NFIB: variants seen among roughly 807,000 people sequenced by gnomAD.
NFIB encodes nuclear factor 1 B-type.
NFIB carries 11 observed loss-of-function variants against 61.5 expected under a neutral mutation model. That is an observed-to-expected ratio of 0.18 (90% CI 0.11 to 0.30). The LOEUF (loss-of-function observed/expected upper bound fraction) is 0.30. Ranked by LOEUF, NFIB falls within the 10% of genes least tolerant of loss-of-function variation. The pLI, the probability that NFIB is intolerant of heterozygous loss-of-function variation, is 1.00. For synonymous variants in NFIB, 260 were observed against 216.5 expected (o/e 1.20, Z -1.76); for missense variants, 471 against 608.9 (o/e 0.77, Z 2.38).
intron 2 of NFIB, among the ~76,000 whole-genome samples, chr9:14,291,277 G>A (rs781201075): frequency 1.3e-5 from 2 of 151,980 alleles, no homozygotes; most frequent in Non-Finnish European, 2.9e-5. Flanking sequence ...TCGAGGTCAG[G>A]TGTTCACAAC....
intron 10 of NFIB, among the ~76,000 whole-genome samples, chr9:14,105,248 T>C (rs1445410970): frequency 1.3e-5 from 2 of 152,322 alleles, no homozygotes; most frequent in East Asian, 1.9e-4. Flanking sequence ...CTATTTAAGA[T>C]ATATGCAATA....
intron 1 of NFIB, among the ~76,000 whole-genome samples, chr9:14,393,488 A>C (rs995644716): frequency 6.6e-6 from 1 of 152,198 alleles, no homozygotes. Context: ...TTCTGCAGGC[A>C]TTCTGTGTAA....
exon 1 of NFIB, chr9:14,398,888 C>A: frequency 2.7e-6 from 1 of 371,268 alleles, no homozygotes; most frequent in Non-Finnish European, 4.8e-6. Flanking sequence ...CTTGCTCCGA[C>A]ATGTGAATCT....
At chr9:14,278,167 T>C (rs367551800) in intron 2 of NFIB, among the ~76,000 whole-genome samples, 1 of 152,202 alleles carries the variant, frequency 6.6e-6, no homozygotes, top group Non-Finnish European at 1.5e-5. Context: ...ATCATTATAA[T>C]TGGCAGTCCC....
At chr9:14,178,020 C>G (rs2046363899) in intron 3 of NFIB, among the ~76,000 whole-genome samples, 2 of 152,146 alleles carry the variant, frequency 1.3e-5, no homozygotes, top group South Asian at 4.1e-4. Flanking sequence ...ACAATAACTG[C>G]TTTATTAGTT....
intron 2 of NFIB, among the ~76,000 whole-genome samples, chr9:14,236,111 C>T (rs2053715217): frequency 6.6e-6 from 1 of 152,288 alleles, no homozygotes; most frequent in African/African-American, 2.4e-5. Context: ...TCCATTCCTA[C>T]AACAAAGCCC....
At position 14,155,882 on chromosome 9, in the gene NFIB, C is replaced by T; in HGVS notation, c.628G>A (p.Asp210Asn). The T allele has an allele frequency of 6.4e-7, 1 of 1,573,452 alleles. No individual in the cohort carries two copies. The highest frequency in any genetic ancestry group is 8.7e-7 in the Non-Finnish European group (1 of 1,154,664). The change falls in exon 4 of 11, where the codon GAT (aspartate) becomes AAT (asparagine). Residue 210 changes from aspartate (D) to asparagine (N), a missense_variant. Asp to Asn is a conservative substitution (Grantham distance 23). Transcript: ENST00000380953. Reference protein sequence around the residue: ...PAKNPPGYLEDSFVKSGVFNV... With the variant: ...PAKNPPGYLENSFVKSGVFNV... ...AAGACTCCAGATTTTACAAAACTAT[C>T]CTCAAGGTAACCTGAAAATAAATAT...
At chr9:14,406,926 A>C in the NFIB span, among the ~76,000 whole-genome samples, 3 of 152,218 alleles carry the variant, frequency 2.0e-5, no homozygotes, top group African/African-American at 7.2e-5. Context: ...TGAGTGAGAA[A>C]TACATATTGT....
upstream of NFIB, among the ~76,000 whole-genome samples, chr9:14,317,686 C>T (rs1484417475): frequency 2.0e-5 from 3 of 152,154 alleles, no homozygotes; most frequent in African/African-American, 7.2e-5. Flanking sequence ...CAAAACACTT[C>T]TTCTTGTCCA....
At chr9:14,525,216 G>A in the NFIB span, among the ~76,000 whole-genome samples, 12 of 152,160 alleles carry the variant, frequency 7.9e-5, no homozygotes, top group African/African-American at 2.7e-4. Flanking sequence ...ATGAAATGGC[G>A]CTGGAGGGGC....
At chr9:14,523,676 C>G in the NFIB span, among the ~76,000 whole-genome samples, 2 of 152,096 alleles carry the variant, frequency 1.3e-5, no homozygotes, top group African/African-American at 4.8e-5. Flanking sequence ...ATTTATCCCC[C>G]AAATACATTA....
intron 2 of NFIB, among the ~76,000 whole-genome samples, chr9:14,290,240 T>C (rs1399927284): frequency 1.3e-5 from 2 of 152,056 alleles, no homozygotes; most frequent in Non-Finnish European, 2.9e-5. Flanking sequence ...AGACATTACA[T>C]AGCAATTACA....
chr9:14,321,755 A>T lies in NFIB; in HGVS notation c.109-14235T>A, dbSNP rs533494012. 2.8e-4 allele frequency among the ~76,000 whole-genome samples: 42 copies of T among 152,350 alleles called. No individual in the cohort carries two copies. The South Asian group carries it at 8.5e-3, about 31-fold the overall frequency. On this transcript the variant is annotated intron_variant, in intron 1 of 8. Coordinates refer to the NFIB transcript ENST00000380934. ...ACGCTAAATAATAATGCATATTTGC[A>T]AATTAGTTCTGCAAATGCAGCACTA...
intron 9 of NFIB, among the ~76,000 whole-genome samples, chr9:14,115,820 G>T (rs1265283819): frequency 1.3e-5 from 2 of 152,196 alleles, no homozygotes; most frequent in Non-Finnish European, 2.9e-5. Context: ...CTATAGGAAT[G>T]CTCCAATAAG....
At chr9:14,311,556 TTAAG>T (rs1347344512) in intron 1 of NFIB, among the ~76,000 whole-genome samples, 2 of 149,410 alleles carry the variant, frequency 1.3e-5, no homozygotes, top group African/African-American at 4.9e-5. Flanking sequence ...GTTATTGTTG[TTAAG>T]TGTGTATCTC....
chr9:14,152,323 A>G (rs552901824), intron 4 of NFIB, among the ~76,000 whole-genome samples: 223 of 152,138 alleles, frequency 1.5e-3, no homozygotes, highest in Admixed American at 3.7e-3. Flanking sequence ...AAATGTAGCT[A>G]TGTCTGTTGT....
intron 2 of NFIB, among the ~76,000 whole-genome samples, chr9:14,226,435 T>A (rs889421852): frequency 6.6e-6 from 1 of 151,708 alleles, no homozygotes. Context: ...GTAGTCCCAG[T>A]TACTCAGGAG....
At chr9:14,217,012 T>C (rs2051002472) in intron 2 of NFIB, among the ~76,000 whole-genome samples, 1 of 152,228 alleles carries the variant, frequency 6.6e-6, no homozygotes, top group African/African-American at 2.4e-5. Context: ...GAACAGTGTC[T>C]ACTAGGAAGG....
intron 6 of NFIB, among the ~76,000 whole-genome samples, chr9:14,136,934 T>G (rs1298983854): frequency 6.6e-6 from 1 of 152,170 alleles, no homozygotes; most frequent in Admixed American, 6.6e-5. Flanking sequence ...TCTATATTTT[T>G]TTTCTCCAAC....
Sources: allele counts gnomAD v4.1 joint callset (sites outside exome capture counted in the v4.1 genomes callset), GRCh38; gene constraint gnomAD v4.1.1; transcripts MANE v1.5; gene names NCBI Gene and HGNC (gene_info 2026-07-23, HGNC 2026-07-21).